PSMG1: variants seen among roughly 807,000 people sequenced by gnomAD.
PSMG1 encodes the protein proteasome assembly chaperone 1, also known as Down syndrome critical region gene 2.
In PSMG1, 23 loss-of-function variants were observed where a neutral mutation model predicts 37.2. That is an observed-to-expected ratio of 0.62 (90% CI 0.44 to 0.88). The LOEUF (loss-of-function observed/expected upper bound fraction) is 0.88, where lower values mean the gene tolerates loss of function less well. Ranked by LOEUF, PSMG1 falls within the 40% of genes least tolerant of loss-of-function variation. The pLI, the probability that PSMG1 is intolerant of heterozygous loss-of-function variation, is 0.00. For missense variants in PSMG1, 340 were observed against 344.2 expected (o/e 0.99, Z 0.10); for synonymous variants, 127 against 128.0 (o/e 0.99, Z 0.05).
chr21:39,178,630 T>G lies in PSMG1; in HGVS notation c.474A>C (p.Pro158=). 6.2e-7 allele frequency: 1 copy of G among 1,613,412 alleles called. No individual in the cohort carries two copies. The change falls in exon 5 of 7, where the codon CCA becomes CCC. Residue 158 remains proline (P), a synonymous_variant. Coordinates refer to ENST00000331573, the MANE Select transcript of PSMG1 (RefSeq NM_003720.4). ...QWLEKVFGSC[P]RKNMQITILT... is the part of the protein sequence containing the mutation. ...GAATAGTTATCTGCATGTTCTTCCT[T>G]GGACAAGAGCCAAAAACCTAACATA...
In PSMG1 at chr21:39,180,392, C is replaced by T. The variant is rs755701822; in HGVS notation, c.286G>A (p.Val96Ile). The T allele has an allele frequency of 1.2e-6, 2 of 1,608,544 alleles. No homozygotes were observed. Among genetic ancestry groups the T allele is most frequent in the Non-Finnish European group, 1.7e-6 (2 of 1,177,346 alleles). ...TCATTCCAGAGTTTAGCACAACCAA[C>T]TTCCTCCCAGACTCCTGAATTCATA... ...FVMNSGVWEE[V>I]GCAKLWNEWC... is the part of the protein sequence containing the mutation. The change falls in exon 3 of 7, where the codon GTT becomes ATT. Residue 96 changes from valine to isoleucine, a missense_variant. Coordinates refer to ENST00000331573, the MANE Select transcript of PSMG1 (RefSeq NM_003720.4).
rs2030600886 is a variant in PSMG1, at chr21:39,175,675, A to G, written c.793-11T>C. On this transcript the variant is annotated splice_polypyrimidine_tract_variant and intron_variant, in intron 6 of 6. Coordinates refer to ENST00000331573, the MANE Select transcript of PSMG1 (RefSeq NM_003720.4). ...GCTTTGGGGAATATTCTGAAAGGAGAGAAAAAAGTGAATACAGTGAGACCC... is the reference window on the plus strand; with the variant it reads ...GCTTTGGGGAATATTCTGAAAGGAGGGAAAAAAGTGAATACAGTGAGACCC... The G allele has an allele frequency of 2.6e-6, 4 of 1,539,534 alleles. No homozygotes were observed. Among genetic ancestry groups the G allele is most frequent in the Non-Finnish European group, 3.6e-6 (4 of 1,112,544 alleles).
At chr21:39,179,764 T>C (rs1461589254) in intron 4 of PSMG1, among the ~76,000 whole-genome samples, 160 bp downstream of exon 4, 1 of 152,118 alleles carries the variant, frequency 6.6e-6, no homozygotes, top group Non-Finnish European at 1.5e-5. Flanking sequence ...TCACGTTAAA[T>C]AAGCAAGTTC....
intron 5 of PSMG1, among the ~76,000 whole-genome samples, chr21:39,178,176 G>C (rs995666254): frequency 6.6e-6 from 1 of 152,060 alleles, no homozygotes; most frequent in African/African-American, 2.4e-5. Flanking sequence ...TTTAACACTG[G>C]CTTGCATTCT....
At chr21:39,176,578 CAG>C (rs1414514286) in intron 6 of PSMG1, among the ~76,000 whole-genome samples, 3 of 152,222 alleles carry the variant, frequency 2.0e-5, no homozygotes, top group African/African-American at 7.2e-5. Context: ...TATACTAAAT[CAG>C]AGTTTTACAG....
chr21:39,181,800 A>G lies in PSMG1; in HGVS notation c.213T>C (p.Phe71=). Residue 71 remains phenylalanine (F), a synonymous_variant, in exon 2 of 7, where the codon TTT becomes TTC. Coordinates refer to ENST00000331573, the MANE Select transcript of PSMG1 (RefSeq NM_003720.4). ...SLLEKYPCSK[F]IIAIGNNAVA... ...CTGCATTATTTCCTATAGCAATTATAAACTTGGAGCACGGATATTTTTCTA... is the reference window on the plus strand; with the variant it reads ...CTGCATTATTTCCTATAGCAATTATGAACTTGGAGCACGGATATTTTTCTA... The G allele has an allele frequency of 6.3e-7, 1 of 1,588,922 alleles. No homozygotes were observed. The highest frequency in any genetic ancestry group is 8.5e-7 in the Non-Finnish European group (1 of 1,171,930).
intron 4 of PSMG1, chr21:39,178,960 G>A (rs147577304): frequency 2.8e-6 from 1 of 350,904 alleles, no homozygotes; most frequent in East Asian, 6.7e-5. Context: ...TTGGTGGGAG[G>A]TGACTGGATA....
chr21:39,180,180 C>G (rs1317409251), intron 3 of PSMG1, 105 bp downstream of exon 3: 1 of 1,380,436 alleles, frequency 7.2e-7, no homozygotes, highest in Non-Finnish European at 9.8e-7. Context: ...AAAGTGCACA[C>G]TGACAGAGCA....
At chr21:39,177,301 A>G (rs1462780313) in intron 6 of PSMG1, 134 bp downstream of exon 6, 2 of 833,678 alleles carry the variant, frequency 2.4e-6, no homozygotes, top group Admixed American at 7.4e-5. Flanking sequence ...AAACTGCCAG[A>G]CTAGAAAGCT....
chr21:39,181,583 C>A (rs1048020721), intron 2 of PSMG1, among the ~76,000 whole-genome samples, 189 bp downstream of exon 2: 16 of 151,984 alleles, frequency 1.1e-4, no homozygotes, highest in African/African-American at 3.9e-4. Flanking sequence ...CAGCAAGAAA[C>A]CATCTCTACC....
chr21:39,177,483 T>A lies in PSMG1; in HGVS notation c.744A>T (p.Glu248Asp). 6.2e-7 allele frequency: 1 copy of A among 1,608,206 alleles called. No individual in the cohort carries two copies. The highest frequency in any genetic ancestry group is 8.5e-7 in the Non-Finnish European group (1 of 1,177,784). ...DVMKLDLITV[E>D]AFKPILSTRS... ...TGGTAGAAAGTATAGGCTTAAAAGC[T>A]TCCACTGTGATTAGGTCTAATTTCA... Residue 248 changes from glutamate to aspartate, a missense_variant, in exon 6 of 7, where the codon GAA becomes GAT. Coordinates refer to ENST00000331573, the MANE Select transcript of PSMG1 (RefSeq NM_003720.4).
intron 6 of PSMG1, among the ~76,000 whole-genome samples, chr21:39,176,836 T>C (rs1354428758): frequency 6.6e-6 from 1 of 152,224 alleles, no homozygotes; most frequent in Admixed American, 6.5e-5. Context: ...CTCTTTCCTT[T>C]AAAGAAACCA....
In PSMG1 at chr21:39,177,565, C is replaced by T. The variant is rs768118227; in HGVS notation, c.662G>A (p.Ser221Asn). 1.3e-6 allele frequency: 2 copies of T among 1,554,182 alleles called. No individual in the cohort carries two copies. Among genetic ancestry groups the T allele is most frequent in the Non-Finnish European group, 1.7e-6 (2 of 1,155,064 alleles). The part of the protein sequence containing the change: ...IVHDLPAAVL[S>N]YCQVWKIPAI... ...TGGGATTTTCCATACTTGACAGTAGCTTAGAACTATGAATACACAAGAAAA... is the reference window on the plus strand; with the variant it reads ...TGGGATTTTCCATACTTGACAGTAGTTTAGAACTATGAATACACAAGAAAA... The change falls in exon 6 of 7, where the codon AGC (serine) becomes AAC (asparagine). Residue 221 changes from serine to asparagine, a missense_variant. Transcript: ENST00000331573.
In PSMG1 at chr21:39,183,328, C is replaced by A. The variant is rs747051823; in HGVS notation, c.58G>T (p.Asp20Tyr). Residue 20 changes from aspartate to tyrosine, a missense_variant, in exon 1 of 7, where the codon GAC becomes TAC. Asp to Tyr is a radical substitution (Grantham distance 160). Transcript: ENST00000331573. ...CGCCCCTCCTCCTCCTCCTCTTCGT[C>A]CTCAGTCCCAGCTCGGCACGGCGCC... ...VKAPCRAGTE[D>Y]EEEEEEGRRE... 3.8e-6 allele frequency: 6 copies of A among 1,578,488 alleles called. No individual in the cohort carries two copies. The highest frequency in any genetic ancestry group is 5.2e-6 in the Non-Finnish European group (6 of 1,164,842).
rs777122150 is a variant in PSMG1 at position 39,180,419 on chromosome 21, C to T, written c.259G>A (p.Val87Ile). ...NNAVAFLSSF[V>I]MNSGVWEEVG... ...TCCTCCCAGACTCCTGAATTCATAA[C>T]AAATGATGACAGAAATGCTGTAAAA... Residue 87 changes from valine (V) to isoleucine (I), a missense_variant, in exon 3 of 7, where the codon GTT becomes ATT. Val to Ile is a conservative substitution (Grantham distance 29, BLOSUM62 3). Coordinates refer to ENST00000331573, the MANE Select transcript of PSMG1 (RefSeq NM_003720.4). 2 of 1,594,220 alleles carry T rather than the reference C, an allele frequency of 1.3e-6. No homozygotes were observed. Among genetic ancestry groups the T allele is most frequent in the African/African-American group, 1.4e-5 (1 of 74,034 alleles).
At chr21:39,177,951 A>C (rs1471174304) in intron 5 of PSMG1, among the ~76,000 whole-genome samples, 1 of 152,182 alleles carries the variant, frequency 6.6e-6, no homozygotes, top group Non-Finnish European at 1.5e-5. Flanking sequence ...AAGAAACCCC[A>C]ACCAAACCCT....
rs1233439257 is a variant in PSMG1, at chr21:39,181,310, T to A, written c.241+462A>T. Among the ~76,000 whole-genome samples, 4 of 152,120 alleles carry A rather than the reference T, an allele frequency of 2.6e-5. No individual in the cohort carries two copies. The East Asian group carries it at 7.8e-4, about 30-fold the overall frequency. ...ACCACCATGCCTGGCTTCATTTTTT[T>A]ATTTTTTGTAGAGATACGGTCTCAC... On this transcript the variant is annotated intron_variant, in intron 2 of 6. Transcript: ENST00000331573.
chr21:39,180,418 A>C lies in PSMG1; in HGVS notation c.260T>G (p.Val87Gly). 6.3e-7 allele frequency: 1 copy of C among 1,594,642 alleles called. No individual in the cohort carries two copies. Among genetic ancestry groups the C allele is most frequent in the Non-Finnish European group, 8.5e-7 (1 of 1,172,554 alleles). Residue 87 changes from valine to glycine, a missense_variant, in exon 3 of 7, where the codon GTT (valine) becomes GGT (glycine). Transcript: ENST00000331573. ...NNAVAFLSSFVMNSGVWEEVG... is the reference protein window; with the variant it reads ...NNAVAFLSSFGMNSGVWEEVG... ...TTCCTCCCAGACTCCTGAATTCATA[A>C]CAAATGATGACAGAAATGCTGTAAA...
chr21:39,180,201 T>C (rs572585570), intron 3 of PSMG1, 84 bp downstream of exon 3: 381 of 1,450,504 alleles, frequency 2.6e-4, no homozygotes, highest in Admixed American at 6.9e-4. Context: ...ACTGAAAGAT[T>C]TGCCATACTA....
Sources: gnomAD v4.1 joint callset for allele counts (sites outside exome capture counted in the v4.1 genomes callset) on GRCh38, gnomAD v4.1.1 for gene constraint, MANE v1.5 for transcripts, NCBI Gene and HGNC (gene_info 2026-07-23, HGNC 2026-07-21) for gene names.